The following DGKQ variants were observed in gnomAD, a reference collection of about 807,000 sequenced individuals.
DGKQ encodes diacylglycerol kinase theta.
A neutral mutation model predicts 104.2 loss-of-function variants in DGKQ; 97 were observed. The observed-to-expected ratio is 0.93, with a 90% CI of 0.79 to 1.10. DGKQ has a LOEUF of 1.10. DGKQ is among the 50% of genes least tolerant of loss of function. DGKQ has a pLI of 0.00. For missense variants in DGKQ, 1,465 were observed against 1,352.1 expected (o/e 1.08, Z -1.31); for synonymous variants, 736 against 595.2 (o/e 1.24, Z -3.44).
intron 2 of DGKQ, among the ~76,000 whole-genome samples, chr4:970,472 T>C (rs947196802): frequency 6.6e-6 from 1 of 152,098 alleles, no homozygotes; most frequent in Non-Finnish European, 1.5e-5. Flanking sequence ...AGAGGGAGGG[T>C]GGTGGCCAAG....
chr4:968,359 G>C lies in DGKQ; in HGVS notation c.586C>G (p.Arg196Gly). The C allele has an allele frequency of 6.5e-7, 1 of 1,547,948 alleles. No individual in the cohort carries two copies. Among genetic ancestry groups the C allele is most frequent in the Non-Finnish European group, 8.7e-7 (1 of 1,148,818 alleles). The change falls in exon 5 of 23, where the codon CGC becomes GGC. Residue 196 changes from arginine (R) to glycine (G), a missense_variant. By Grantham distance (125) the Arg-to-Gly change is moderately radical. Transcript: ENST00000273814. ...CACGTCTTCCTGCAGACCTCGCAGC[G>C]CGCTCCCGAGGGCAGGTTCCCCTCC... ...WREGNLPSGA[R>G]CEVCRKTCGS...
At chr4:966,182 A>G (rs1712317225) in intron 12 of DGKQ, 104 bp from the exon 13 acceptor site, 3 of 1,218,694 alleles carry the variant, frequency 2.5e-6, no homozygotes, top group East Asian at 2.6e-5. Context: ...CATCAGGAAC[A>G]CTCCCAGGAA....
Position 966,734 on chromosome 4 carries a change from G to A in DGKQ, c.1366+14C>T, listed in dbSNP as rs1346426197. 1.9e-6 allele frequency: 3 copies of A among 1,604,136 alleles called. No individual in the cohort carries two copies. Among genetic ancestry groups the A allele is most frequent in the African/African-American group, 1.3e-5 (1 of 74,692 alleles). ...TGCAGGGACCGCCACGCCCAGCACG[G>A]GCTGTCTACTCACCGTGCCTGCAGC... On this transcript the variant is annotated intron_variant, in intron 11 of 22. Coordinates refer to ENST00000273814, the MANE Select transcript of DGKQ (RefSeq NM_001347.4).
intron 2 of DGKQ, among the ~76,000 whole-genome samples, 183 bp from the exon 3 acceptor site, chr4:969,093 G>A (rs1712717898): frequency 6.6e-6 from 1 of 152,140 alleles, no homozygotes; most frequent in Non-Finnish European, 1.5e-5. Flanking sequence ...GGGACAGCCT[G>A]GCTGGTCAAA....
rs1308711877 is a variant in DGKQ at position 971,846 on chromosome 4, G to A, written c.272-774C>T. Among the ~76,000 whole-genome samples the A allele has an allele frequency of 6.6e-6, 1 of 152,136 alleles. No homozygotes were observed. Among genetic ancestry groups the A allele is most frequent in the African/African-American group, 2.4e-5 (1 of 41,430 alleles). On this transcript the variant is annotated intron_variant, in intron 1 of 22. Coordinates refer to ENST00000273814, the MANE Select transcript of DGKQ (RefSeq NM_001347.4). The surrounding 1 kb of genome is among the most constrained non-coding windows in gnomAD (Gnocchi z 4.0). ...CCCCGGGTGAAGGTTGTGCCACGGA[G>A]CCCCAGGCAGTCCAGCTGGGACAGG...
chr4:968,147 C>G, intron 5 of DGKQ, 120 bp from the exon 6 acceptor site: 1 of 842,874 alleles, frequency 1.2e-6, no homozygotes, highest in South Asian at 2.1e-5. Flanking sequence ...GTCCTTCCTG[C>G]CGCCCGCCCC....
Position 967,668 on chromosome 4 carries a change from G to GT in DGKQ, c.887-20dup, listed in dbSNP as rs1347485922. On this transcript the variant is annotated intron_variant, in intron 7 of 22. Coordinates refer to ENST00000273814, the MANE Select transcript of DGKQ (RefSeq NM_001347.4). ...TGCTTCCCTGGGCCGGGTAAGCTCC[G>GT]TGAGTCCCGGGCGCCCGGGGGACCT... 1 of 1,612,512 alleles carries GT rather than the reference G, an allele frequency of 6.2e-7. No individual in the cohort carries two copies. Among genetic ancestry groups the GT allele is most frequent in the East Asian group, 2.2e-5 (1 of 44,858 alleles).
Position 961,760 on chromosome 4 carries a change from A to AG in DGKQ, c.2389_2390insC (p.Ile797ThrfsTer16). 1 of 1,612,532 alleles carries AG rather than the reference A, an allele frequency of 6.2e-7. No individual in the cohort carries two copies. The highest frequency in any genetic ancestry group is 8.5e-7 in the Non-Finnish European group (1 of 1,179,776). ...CTCCTGCCGCTCCACCTGCAGCCGGATCTGCTTGTGCAGGCTCCGAGAGTG... is the reference window on the plus strand; with the variant it reads ...CTCCTGCCGCTCCACCTGCAGCCGGAGTCTGCTTGTGCAGGCTCCGAGAGTG... On this transcript the variant is annotated frameshift_variant, in exon 20 of 23. Transcript: ENST00000273814. LOFTEE classifies it high-confidence loss of function.
At chr4:969,857 T>C (rs1005309014) in intron 2 of DGKQ, among the ~76,000 whole-genome samples, 9 of 152,198 alleles carry the variant, frequency 5.9e-5, no homozygotes, top group Non-Finnish European at 1.3e-4. Flanking sequence ...ATGATCTACC[T>C]GCCTCGGCCT....
rs1379929083 is a variant in DGKQ at position 967,592 on chromosome 4, C to T, written c.944G>A (p.Arg315His). ...GGCCAGGCGGGACACCGTGACGAGG[C>T]GGAACTGGCTTCTTCTCACCGCGTC... Reference protein sequence around the residue: ...GDDAVRRSQFRLVTVSRLAGA... With the variant: ...GDDAVRRSQFHLVTVSRLAGA... Residue 315 changes from arginine to histidine, a missense_variant, in exon 8 of 23, where the codon CGC becomes CAC. By Grantham distance (29) the Arg-to-His change is conservative (BLOSUM62 0). Transcript: ENST00000273814. 4.3e-6 allele frequency: 7 copies of T among 1,612,548 alleles called. No individual in the cohort carries two copies. The highest frequency in any genetic ancestry group is 2.2e-5 in the East Asian group (1 of 44,870).
At chr4:973,073 A>G in intron 1 of DGKQ, 139 bp downstream of exon 1, 1 of 1,267,694 alleles carries the variant, frequency 7.9e-7, no homozygotes, top group East Asian at 3.4e-5. Context: ...CGGCCGCCCC[A>G]CGAAGGCACG....
rs1402747408 is a variant in DGKQ, at chr4:964,007, G to A, written c.1735-717C>T. 6 of 154,686 alleles carry A rather than the reference G, an allele frequency of 3.9e-5. No homozygotes were observed. In the Admixed American group the frequency reaches 3.9e-4, roughly 10 times the overall value. 9.6% of individuals were successfully genotyped at this position (154,686 alleles called of 1,614,324 possible). A position where few individuals can be genotyped will look rare whatever the true frequency, so the allele number is the denominator to read the frequency against. ...GGCACAGGGGCCGGCCGTGGCTGGG[G>A]GCAAGGACACACTCGGGGCTTCGTG... On this transcript the variant is annotated intron_variant, in intron 15 of 22. Coordinates refer to ENST00000273814, the MANE Select transcript of DGKQ (RefSeq NM_001347.4).
chr4:960,584 G>C lies in DGKQ; in HGVS notation c.*36C>G, dbSNP rs754520219. 6.3e-7 allele frequency: 1 copy of C among 1,581,094 alleles called. No individual in the cohort carries two copies. Among genetic ancestry groups the C allele is most frequent in the Non-Finnish European group, 8.7e-7 (1 of 1,154,938 alleles). On this transcript the variant is annotated 3_prime_UTR_variant, in exon 23 of 23. Transcript: ENST00000273814. Reference sequence around the variant, plus strand: ...CCTGAAAACAAGGCTGGCGGGAGCAGAGATGGCTCGAGCCCTTGGGCTGCC... The same window carrying C: ...CCTGAAAACAAGGCTGGCGGGAGCACAGATGGCTCGAGCCCTTGGGCTGCC...
At position 968,818 on chromosome 4, in the gene DGKQ, G is replaced by A; in HGVS notation, c.444C>T (p.His148=). The stretch of plus-strand genomic sequence containing the variant: ...CAGGCAGGCTCCAGGTACCTTCGCA[G>A]TGGAGCGCCGGTGCCTCCAGGACCT... ...CRKVLEAPAL[H]CEVCELHLHP... is the part of the protein sequence containing the mutation. Residue 148 remains histidine (H), a synonymous_variant, in exon 3 of 23, where the codon CAC becomes CAT. Coordinates refer to ENST00000273814, the MANE Select transcript of DGKQ (RefSeq NM_001347.4). 1 of 1,610,024 alleles carries A rather than the reference G, an allele frequency of 6.2e-7. No individual in the cohort carries two copies. The highest frequency in any genetic ancestry group is 8.5e-7 in the Non-Finnish European group (1 of 1,178,828).
In DGKQ at chr4:960,558, A is replaced by G; in HGVS notation, c.*62T>C. ...GTGGACGTGGAGCTGCCTCCAGACCACCTGAAAACAAGGCTGGCGGGAGCA... is the reference window on the plus strand; with the variant it reads ...GTGGACGTGGAGCTGCCTCCAGACCGCCTGAAAACAAGGCTGGCGGGAGCA... On this transcript the variant is annotated 3_prime_UTR_variant, in exon 23 of 23. Transcript: ENST00000273814. The G allele has an allele frequency of 2.0e-6, 3 of 1,490,380 alleles. No individual in the cohort carries two copies. Among genetic ancestry groups the G allele is most frequent in the Non-Finnish European group, 2.8e-6 (3 of 1,077,312 alleles). 92.3% of individuals were successfully genotyped at this position (1,490,380 alleles called of 1,614,324 possible). A position where few individuals can be genotyped will look rare whatever the true frequency, so the allele number is the denominator to read the frequency against.
chr4:963,856 G>T (rs1430820376), intron 15 of DGKQ, among the ~76,000 whole-genome samples: 1 of 152,196 alleles, frequency 6.6e-6, no homozygotes, highest in Non-Finnish European at 1.5e-5. Flanking sequence ...AGACACAGCG[G>T]GCTCAGGGCT....
In DGKQ at chr4:964,757, G is replaced by C. The variant is rs372503950; in HGVS notation, c.1734+419C>G. On this transcript the variant is annotated intron_variant, in intron 15 of 22. Coordinates refer to ENST00000273814, the MANE Select transcript of DGKQ (RefSeq NM_001347.4). ...AGGCTGTACCGGGAGGGCCATGCCT[G>C]GGATCCTGACAGCTGGTCACAAACA... 1.1e-4 allele frequency among the ~76,000 whole-genome samples: 16 copies of C among 152,322 alleles called. No homozygotes were observed. The South Asian group carries it at 3.1e-3, about 30-fold the overall frequency.
In DGKQ at chr4:961,787, C is replaced by A; in HGVS notation, c.2363G>T (p.Ser788Ile). Residue 788 changes from serine (S) to isoleucine (I), a missense_variant, in exon 20 of 23, where the codon AGT (serine) becomes ATT (isoleucine). Transcript: ENST00000273814. ...VYVRVGLQKISHSRSLHKQIR... is the reference protein window; with the variant it reads ...VYVRVGLQKIIHSRSLHKQIR... ...CTGCTTGTGCAGGCTCCGAGAGTGA[C>A]TGATCTTCTGCAGCCCCACCCGCAC... The A allele has an allele frequency of 6.2e-7, 1 of 1,610,568 alleles. No individual in the cohort carries two copies. The highest frequency in any genetic ancestry group is 1.3e-5 in the African/African-American group (1 of 75,020).
chr4:968,733 C>A, intron 3 of DGKQ, 78 bp downstream of exon 3: 1 of 1,429,024 alleles, frequency 7.0e-7, no homozygotes, highest in Non-Finnish European at 9.6e-7. Flanking sequence ...TGACAAGCTG[C>A]ACAGCAGGGG....
Sources: allele counts gnomAD v4.1 joint callset (sites outside exome capture counted in the v4.1 genomes callset), GRCh38; gene constraint gnomAD v4.1.1; non-coding constraint Gnocchi (gnomAD v3.1); transcripts MANE v1.5; gene names NCBI Gene and HGNC (gene_info 2026-07-23, HGNC 2026-07-21).